Variants in COG6 observed in about 807,000 individuals in gnomAD.
COG6 encodes the protein component of oligomeric golgi complex 6.
Under a neutral mutation model 88.8 loss-of-function variants are expected in COG6, and 74 were observed. The observed-to-expected ratio is 0.83, with a 90% CI of 0.69 to 1.01. The LOEUF (loss-of-function observed/expected upper bound fraction) is 1.01, where lower values mean the gene tolerates loss of function less well. COG6 is among the 50% of genes least tolerant of loss of function. COG6 has a pLI of 0.00. For synonymous variants in COG6, 286 were observed against 278.7 expected (o/e 1.03, Z -0.26); for missense variants, 800 against 797.9 (o/e 1.00, Z -0.03).
intron 13 of COG6, among the ~76,000 whole-genome samples, chr13:39,709,562 C>CCTAAGAT (rs1488135598): frequency 6.6e-6 from 1 of 151,680 alleles, no homozygotes; most frequent in Admixed American, 6.6e-5. Flanking sequence ...GTTTATTTCA[C>CCTAAGAT]CTAAGATTAT....
chr13:39,721,853 C>T (rs1302910578), intron 15 of COG6, among the ~76,000 whole-genome samples: 6 of 152,074 alleles, frequency 3.9e-5, no homozygotes, highest in Non-Finnish European at 8.8e-5. Flanking sequence ...CTAGTCCCTT[C>T]ATCTGGTAAC....
chr13:39,754,328 AAATG>A (rs1487517886), downstream of COG6, among the ~76,000 whole-genome samples: 1 of 152,216 alleles, frequency 6.6e-6, no homozygotes, highest in Admixed American at 6.5e-5. Context: ...AGCAGTGAGA[AAATG>A]AATGGTTTTC....
chr13:39,716,706 A>G (rs1878547412), intron 13 of COG6, among the ~76,000 whole-genome samples: 1 of 152,162 alleles, frequency 6.6e-6, no homozygotes, highest in African/African-American at 2.4e-5. Flanking sequence ...GGGAATTACA[A>G]TTAGCATCTT....
At chr13:39,762,659 T>C (rs1402572687) in intron 18 of COG6, among the ~76,000 whole-genome samples, 2 of 151,812 alleles carry the variant, frequency 1.3e-5, no homozygotes, top group Non-Finnish European at 3.0e-5. Context: ...TGGAATTGAT[T>C]TTATATGTTG....
chr13:39,736,130 A>C (rs1010174939), intron 18 of COG6, among the ~76,000 whole-genome samples: 4 of 150,132 alleles, frequency 2.7e-5, no homozygotes, highest in African/African-American at 9.8e-5. Context: ...AAGGCCAACA[A>C]CTCTTGGATT....
intron 13 of COG6, among the ~76,000 whole-genome samples, chr13:39,705,529 T>A (rs1877844144): frequency 6.6e-6 from 1 of 152,098 alleles, no homozygotes; most frequent in East Asian, 1.9e-4. Context: ...TAGACTGACA[T>A]TTTCTAAAAT....
chr13:39,750,930 G>A lies in COG6; in HGVS notation c.1827-16G>A. 6.2e-7 allele frequency: 1 copy of A among 1,607,998 alleles called. No individual in the cohort carries two copies. Among genetic ancestry groups the A allele is most frequent in the Non-Finnish European group, 8.5e-7 (1 of 1,175,206 alleles). On this transcript the variant is annotated splice_polypyrimidine_tract_variant and intron_variant, in intron 18 of 18. Coordinates refer to ENST00000455146, the MANE Select transcript of COG6 (RefSeq NM_020751.3). The stretch of plus-strand genomic sequence containing the variant: ...TTTTCAAATGATGTGTTTACATTTT[G>A]TTTGCTTATCAATAGAGAGCAGATC...
At chr13:39,745,589 C>T (rs370674523) in intron 18 of COG6, among the ~76,000 whole-genome samples, 12 of 152,274 alleles carry the variant, frequency 7.9e-5, no homozygotes, top group South Asian at 2.1e-4. Flanking sequence ...CAGGAAACAA[C>T]GGATGCTGGA....
intron 13 of COG6, among the ~76,000 whole-genome samples, chr13:39,704,155 CT>C (rs1223371388): frequency 6.6e-6 from 1 of 152,164 alleles, no homozygotes; most frequent in Middle Eastern, 3.4e-3. Context: ...TTTTATTCCC[CT>C]AATAGTAAGT....
chr13:39,778,120 C>T (rs928520705), intron 18 of COG6, among the ~76,000 whole-genome samples: 1 of 152,112 alleles, frequency 6.6e-6, no homozygotes, highest in African/African-American at 2.4e-5. Flanking sequence ...TCCTCCCAGC[C>T]TAAAAGGAAT....
chr13:39,749,144 A>G (rs1201105673), intron 18 of COG6, among the ~76,000 whole-genome samples: 2 of 152,220 alleles, frequency 1.3e-5, no homozygotes, highest in Non-Finnish European at 2.9e-5. Context: ...GACTATGTGA[A>G]GAAACAGTTT....
At chr13:39,676,743 T>G (rs889236655) in intron 4 of COG6, among the ~76,000 whole-genome samples, 1 of 152,148 alleles carries the variant, frequency 6.6e-6, no homozygotes, top group Non-Finnish European at 1.5e-5. Flanking sequence ...TATTTATATA[T>G]TTTCAGTTCT....
In COG6 at chr13:39,744,317, C is replaced by T. The variant is rs144605511; in HGVS notation, c.1827-6629C>T. 3.5e-3 allele frequency among the ~76,000 whole-genome samples: 535 copies of T among 152,206 alleles called. 4 individuals carry two copies. The highest frequency in any genetic ancestry group is 0.012 in the African/African-American group (511 of 41,522). ...TAGGAAAAGAGGAAGTCAAATCATC[C>T]CTGTTTGCAGATGACATGATTGCAT... On this transcript the variant is annotated intron_variant, in intron 18 of 18. Transcript: ENST00000455146.
At chr13:39,742,711 C>A (rs926983756) in intron 18 of COG6, among the ~76,000 whole-genome samples, 2 of 152,146 alleles carry the variant, frequency 1.3e-5, no homozygotes, top group Non-Finnish European at 1.5e-5. Context: ...AGAAAGTTAA[C>A]AAGGATATCC....
chr13:39,719,324 C>T lies in COG6; in HGVS notation c.1373C>T (p.Ser458Phe). 1.2e-6 allele frequency: 2 copies of T among 1,612,734 alleles called. No homozygotes were observed. The highest frequency in any genetic ancestry group is 1.7e-6 in the Non-Finnish European group (2 of 1,179,136). Residue 458 changes from serine to phenylalanine, a missense_variant, in exon 14 of 19, where the codon TCT becomes TTT. By Grantham distance (155) the Ser-to-Phe change is radical (BLOSUM62 -2). Coordinates refer to ENST00000455146, the MANE Select transcript of COG6 (RefSeq NM_020751.3). The stretch of plus-strand genomic sequence containing the variant: ...CGTGAAGTTTTAGCATCTCACGATT[C>T]TTCAGTTGTACCATTAGATGCTCGT... ...LLREVLASHD[S>F]SVVPLDARQA...
At chr13:39,785,322 G>A (rs939664297) in intron 18 of COG6, 26 of 152,176 alleles carry the variant, frequency 1.7e-4, no homozygotes, top group African/African-American at 6.0e-4. Context: ...GATTAAAGGG[G>A]TTGGATTTCT....
At chr13:39,754,314 G>A (rs1880762466), downstream of COG6, among the ~76,000 whole-genome samples, 2 of 152,142 alleles carry the variant, frequency 1.3e-5, no homozygotes, top group African/African-American at 2.4e-5. Flanking sequence ...ATATGATGGA[G>A]TACAGCAGTG....
chr13:39,655,963 C>T, intron 1 of COG6, 84 bp downstream of exon 1: 1 of 1,488,476 alleles, frequency 6.7e-7, no homozygotes, highest in Non-Finnish European at 9.2e-7. Context: ...GGACCCACCG[C>T]GGTCTCCCTC....
rs146699003 is a variant in COG6, at chr13:39,717,591, G to A, written c.1285-1645G>A. ...CTGCTCAAATCTGCTGTAAGGCCAA[G>A]CACAGCAGTTCACACCTGTAATGAT... On this transcript the variant is annotated intron_variant, in intron 13 of 18. Coordinates refer to ENST00000455146, the MANE Select transcript of COG6 (RefSeq NM_020751.3). Among the ~76,000 whole-genome samples the A allele has an allele frequency of 6.0e-4, 91 of 152,206 alleles. 1 individual carries two copies. Among genetic ancestry groups the A allele is most frequent in the African/African-American group, 2.1e-3 (86 of 41,548 alleles).
Sources: gnomAD v4.1 joint callset for allele counts (sites outside exome capture counted in the v4.1 genomes callset) on GRCh38, gnomAD v4.1.1 for gene constraint, MANE v1.5 for transcripts, NCBI Gene and HGNC (gene_info 2026-07-23, HGNC 2026-07-21) for gene names.